SRPK1: variants seen among roughly 807,000 people sequenced by gnomAD.
SRPK1 encodes the protein SRSF protein kinase 1, also known as SFRS protein kinase 1.
A neutral mutation model predicts 89.5 loss-of-function variants in SRPK1; 52 were observed. The ratio of observed to expected loss-of-function variants is 0.58; its 90% CI spans 0.46 to 0.73. SRPK1 has a LOEUF of 0.73. Among genes scored for constraint, SRPK1 ranks in the 30% least tolerant of loss-of-function variants. The pLI, the probability that SRPK1 is intolerant of heterozygous loss-of-function variation, is 0.00. For synonymous variants in SRPK1, 255 were observed against 270.2 expected (o/e 0.94, Z 0.55); for missense variants, 603 against 780.6 (o/e 0.77, Z 2.71).
chr6:35,915,747 C>G (rs1435854325), intron 2 of SRPK1, among the ~76,000 whole-genome samples: 1 of 151,764 alleles, frequency 6.6e-6, no homozygotes, highest in African/African-American at 2.4e-5. Flanking sequence ...CCGAGGTGGG[C>G]GGATCATGAG....
chr6:35,841,786 C>A (rs552477147), intron 14 of SRPK1, among the ~76,000 whole-genome samples: 1 of 145,522 alleles, frequency 6.9e-6, no homozygotes, highest in Non-Finnish European at 1.5e-5. Flanking sequence ...GAGCCGAGAT[C>A]GCACCACCGC....
At chr6:35,891,321 T>A (rs1386043553) in intron 2 of SRPK1, among the ~76,000 whole-genome samples, 1 of 152,218 alleles carries the variant, frequency 6.6e-6, no homozygotes, top group Non-Finnish European at 1.5e-5. Context: ...TGTTGCTGTA[T>A]CTTCATAAAA....
intron 13 of SRPK1, among the ~76,000 whole-genome samples, chr6:35,856,450 G>T (rs1484907663): frequency 2.6e-5 from 4 of 152,172 alleles, no homozygotes; most frequent in Non-Finnish European, 5.9e-5. Flanking sequence ...CCTGAGGCTT[G>T]TGGTTAGTGT....
chr6:35,845,658 A>G (rs1478384285), intron 13 of SRPK1, among the ~76,000 whole-genome samples: 1 of 152,236 alleles, frequency 6.6e-6, no homozygotes, highest in Non-Finnish European at 1.5e-5. Context: ...TTCATAAGCA[A>G]TATGGTTGTG....
intron 5 of SRPK1, among the ~76,000 whole-genome samples, chr6:35,887,281 A>T (rs1770431604): frequency 6.6e-6 from 1 of 152,170 alleles, no homozygotes; most frequent in Admixed American, 6.5e-5. Flanking sequence ...GTACTGTCTT[A>T]AGCCAGATGC....
At chr6:35,862,849 A>C (rs191273353) in intron 12 of SRPK1, among the ~76,000 whole-genome samples, 236 of 150,362 alleles carry the variant, frequency 1.6e-3, no homozygotes, top group Middle Eastern at 6.8e-3. Flanking sequence ...ACAACAACAA[A>C]CCCCAGAAAT....
In SRPK1 at chr6:35,869,735, A is replaced by G. The variant is rs1769989181; in HGVS notation, c.1158T>C (p.Cys386=). 6.2e-7 allele frequency: 1 copy of G among 1,613,936 alleles called. No homozygotes were observed. The highest frequency in any genetic ancestry group is 8.5e-7 in the Non-Finnish European group (1 of 1,179,820). ...HKEDLHNAND[C]DVQNLNQESS... The stretch of plus-strand genomic sequence containing the variant: ...ATTCCTGATTCAAATTTTGGACATC[A>G]CAGTCATTAGCATTATGTAGATCCT... Residue 386 remains cysteine (C), a synonymous_variant, in exon 11 of 16, where the codon TGT becomes TGC. Transcript: ENST00000373825.
intron 2 of SRPK1, among the ~76,000 whole-genome samples, chr6:35,892,810 G>T (rs1191255700): frequency 6.6e-6 from 1 of 152,020 alleles, no homozygotes; most frequent in South Asian, 2.1e-4. Flanking sequence ...TCATCAACCT[G>T]TTTCATCAGA....
intron 12 of SRPK1, among the ~76,000 whole-genome samples, chr6:35,866,362 G>A (rs546035822): frequency 2.0e-5 from 3 of 152,262 alleles, no homozygotes; most frequent in Admixed American, 6.5e-5. Context: ...GAGGTAGGCA[G>A]ATCACAAGGT....
chr6:35,872,692 G>C lies in SRPK1; in HGVS notation c.622C>G (p.Arg208Gly), dbSNP rs375747918. 3.1e-6 allele frequency: 5 copies of C among 1,609,020 alleles called. No individual in the cohort carries two copies. The highest frequency in any genetic ancestry group is 4.2e-6 in the Non-Finnish European group (5 of 1,177,852). Residue 208 changes from arginine (R) to glycine (G), a missense_variant, in exon 8 of 16, where the codon CGT becomes GGT. Coordinates refer to ENST00000373825, the MANE Select transcript of SRPK1 (RefSeq NM_003137.5). ...QGLDYLHTKC[R>G]IIHTDIKPEN... The stretch of plus-strand genomic sequence containing the variant: ...GGTTTAATGTCAGTGTGGATGATAC[G>C]GCACTTGGTATGTAAATAATCAAGA...
rs373298828 is a variant in SRPK1, at chr6:35,905,257, G to A, written c.75-14244C>T. Among the ~76,000 whole-genome samples, 34 of 152,254 alleles carry A rather than the reference G, an allele frequency of 2.2e-4. 1 individual carries two copies. The East Asian group carries it at 6.6e-3, about 29-fold the overall frequency. On this transcript the variant is annotated intron_variant, in intron 2 of 15. Coordinates refer to ENST00000373825, the MANE Select transcript of SRPK1 (RefSeq NM_003137.5). ...AAAAGCTGAAGACGTGGTAATAGTG[G>A]ACCCATCTTCTCACAGGGTAACAGG...
Position 35,921,073 on chromosome 6 carries a change from G to T in SRPK1, c.-17C>A. ...CCGCTCCATGGTGAGACCGGTAATCGCCAGGCGCCTGCGCACTCGAGTGGC... is the reference window on the plus strand; with the variant it reads ...CCGCTCCATGGTGAGACCGGTAATCTCCAGGCGCCTGCGCACTCGAGTGGC... On this transcript the variant is annotated 5_prime_UTR_variant, in exon 1 of 16. Coordinates refer to ENST00000373825, the MANE Select transcript of SRPK1 (RefSeq NM_003137.5). 1 of 1,517,888 alleles carries T rather than the reference G, an allele frequency of 6.6e-7. No homozygotes were observed. Among genetic ancestry groups the T allele is most frequent in the Non-Finnish European group, 8.8e-7 (1 of 1,132,614 alleles). 94.0% of individuals were successfully genotyped at this position (1,517,888 alleles called of 1,614,324 possible). A position where few individuals can be genotyped will look rare whatever the true frequency, so the allele number is the denominator to read the frequency against.
intron 12 of SRPK1, among the ~76,000 whole-genome samples, chr6:35,857,920 T>C (rs1769699500): frequency 6.6e-6 from 1 of 152,172 alleles, no homozygotes; most frequent in African/African-American, 2.4e-5. Context: ...TGTATACTAG[T>C]TTTCTACCTG....
chr6:35,908,235 G>A (rs1164124505), intron 2 of SRPK1, among the ~76,000 whole-genome samples: 2 of 152,200 alleles, frequency 1.3e-5, no homozygotes, highest in African/African-American at 4.8e-5. Flanking sequence ...AGTGGGCAGA[G>A]GTTGGAACAG....
intron 2 of SRPK1, among the ~76,000 whole-genome samples, chr6:35,914,821 C>T (rs1201896385): frequency 3.4e-5 from 5 of 148,880 alleles, no homozygotes; most frequent in African/African-American, 5.0e-5. Context: ...TTTTTTGAAA[C>T]GGAACTTTGC....
chr6:35,903,025 T>C (rs1396146024), intron 2 of SRPK1, among the ~76,000 whole-genome samples: 1 of 151,750 alleles, frequency 6.6e-6, no homozygotes, highest in Non-Finnish European at 1.5e-5. Flanking sequence ...ACACCTATAA[T>C]CCCAGCACTT....
Position 35,857,257 on chromosome 6 carries a change from T to C in SRPK1, c.1620+4A>G. On this transcript the variant is annotated splice_donor_region_variant and intron_variant, in intron 13 of 15. Coordinates refer to ENST00000373825, the MANE Select transcript of SRPK1 (RefSeq NM_003137.5). ...AAGTGAAAGCCAAGGGGAAAAAACA[T>C]TACCATGCATGCCGTGCTCCAAATG... The C allele has an allele frequency of 1.2e-6, 2 of 1,607,064 alleles. No homozygotes were observed. Among genetic ancestry groups the C allele is most frequent in the Non-Finnish European group, 1.7e-6 (2 of 1,175,408 alleles).
At chr6:35,880,328 G>A (rs1260665945) in intron 6 of SRPK1, among the ~76,000 whole-genome samples, 1 of 151,944 alleles carries the variant, frequency 6.6e-6, no homozygotes, top group Non-Finnish European at 1.5e-5. Flanking sequence ...CAAGTGTGAG[G>A]AATAGAAAGA....
At chr6:35,904,485 CA>C (rs1395621376) in intron 2 of SRPK1, among the ~76,000 whole-genome samples, 1 of 152,170 alleles carries the variant, frequency 6.6e-6, no homozygotes, top group Non-Finnish European at 1.5e-5. Flanking sequence ...TGCCTGTAAA[CA>C]AAAGTATACA....
Sources: allele counts gnomAD v4.1 joint callset (sites outside exome capture counted in the v4.1 genomes callset), GRCh38; gene constraint gnomAD v4.1.1; transcripts MANE v1.5; gene names NCBI Gene and HGNC (gene_info 2026-07-23, HGNC 2026-07-21).